DIAPH2: variants seen among roughly 807,000 people sequenced by gnomAD.
DIAPH2 encodes protein diaphanous homolog 2.
Under a neutral mutation model 92.7 loss-of-function variants are expected in DIAPH2, and 35 were observed. The ratio of observed to expected loss-of-function variants is 0.38; its 90% CI spans 0.29 to 0.50. The LOEUF is 0.50. Ranked by LOEUF, DIAPH2 falls within the 20% of genes least tolerant of loss-of-function variation. The pLI is 0.94. For synonymous variants in DIAPH2, 301 were observed against 280.4 expected, an observed-to-expected ratio of 1.07 and a Z score of -0.73; for missense variants, 701 against 819.5, an observed-to-expected ratio of 0.86 and a Z score of 1.77.
At chrX:97,425,246 T>A (rs1332877004) in intron 25 of DIAPH2, among the ~76,000 whole-genome samples, 2 of 111,481 alleles carry the variant, frequency 1.8e-5, no homozygotes, top group Admixed American at 1.9e-4. Flanking sequence ...TGTTAAAAGT[T>A]GGGTTTCTCT....
intron 19 of DIAPH2, among the ~76,000 whole-genome samples, chrX:97,088,523 T>C (rs2066799995): frequency 8.9e-6 from 1 of 112,267 alleles, no homozygotes; most frequent in Admixed American, 9.4e-5. Flanking sequence ...GATAATGTTA[T>C]ATCATGTGAT....
intron 4 of DIAPH2, among the ~76,000 whole-genome samples, chrX:96,867,422 G>A (rs964334518): frequency 3.6e-5 from 4 of 110,970 alleles, no homozygotes; most frequent in African/African-American, 1.3e-4. Context: ...GTTTTACCAC[G>A]TTGGCCAGGC....
At chrX:97,334,151 C>G (rs771744327) in intron 23 of DIAPH2, among the ~76,000 whole-genome samples, 22 of 110,643 alleles carry the variant, frequency 2.0e-4, no homozygotes, top group Admixed American at 8.8e-4. Flanking sequence ...CAGAATAGTT[C>G]CAGTTCCTTA....
At chrX:97,411,467 A>G (rs951588566) in intron 25 of DIAPH2, among the ~76,000 whole-genome samples, 2 of 112,070 alleles carry the variant, frequency 1.8e-5, no homozygotes, top group African/African-American at 6.5e-5. Flanking sequence ...TGTAAAGACC[A>G]TCGAGGCTAG....
intron 22 of DIAPH2, among the ~76,000 whole-genome samples, chrX:97,204,127 T>C (rs1023583057): frequency 8.9e-6 from 1 of 112,219 alleles, no homozygotes; most frequent in Non-Finnish European, 1.9e-5. Flanking sequence ...CAACGTCATT[T>C]CATGTTAAAA....
intron 22 of DIAPH2, among the ~76,000 whole-genome samples, chrX:97,216,597 C>T (rs1022102301): frequency 3.0e-4 from 33 of 110,866 alleles, no homozygotes; most frequent in African/African-American, 1.1e-3. Context: ...TGAGCCACAG[C>T]ACTGGGCCAT....
chrX:97,073,066 A>G (rs762052273), intron 18 of DIAPH2, 24 bp downstream of exon 18: 12 of 1,050,528 alleles, frequency 1.1e-5, no homozygotes, highest in Admixed American at 2.4e-5. Context: ...TCTTCGTAGG[A>G]TTGGTATAGG....
intron 9 of DIAPH2, among the ~76,000 whole-genome samples, chrX:96,927,513 C>A (rs2065591763): frequency 1.8e-5 from 2 of 111,108 alleles, no homozygotes; most frequent in Admixed American, 1.9e-4. Flanking sequence ...ATCAAACTTT[C>A]TCCCATGTTC....
intron 4 of DIAPH2, among the ~76,000 whole-genome samples, chrX:96,778,499 C>A (rs1483557902): frequency 5.4e-5 from 6 of 110,722 alleles, no homozygotes; most frequent in Non-Finnish European, 9.4e-5. Context: ...CTCTTACGAA[C>A]AGGGACTTTC....
chrX:96,824,129 T>A (rs2064797069), intron 4 of DIAPH2, among the ~76,000 whole-genome samples: 1 of 110,619 alleles, frequency 9.0e-6, no homozygotes, highest in Non-Finnish European at 1.9e-5. Flanking sequence ...TCTGTAGGGG[T>A]CTTTTATTTG....
chrX:97,240,605 C>CAAAAAAAAAAAAAA (rs774748522), intron 22 of DIAPH2, among the ~76,000 whole-genome samples: 10 of 67,977 alleles, frequency 1.5e-4, no homozygotes, highest in African/African-American at 5.8e-4. Context: ...GACTGCATCT[C>CAAAAAAAAAAAAAA]AAAAAAAAAA....
intron 1 of DIAPH2, among the ~76,000 whole-genome samples, chrX:96,717,563 C>G (rs2147543732): frequency 9.8e-6 from 1 of 101,863 alleles, no homozygotes; most frequent in South Asian, 4.7e-4. Context: ...GTGAAATCCA[C>G]TTTGCCTGAT....
At chrX:96,735,729 T>C (rs773805281) in intron 1 of DIAPH2, 29 bp from the exon 2 acceptor site, 2 of 945,738 alleles carry the variant, frequency 2.1e-6, no homozygotes, top group South Asian at 4.6e-5. Context: ...GATGGGTTTT[T>C]TTTGTTTGTT....
intron 4 of DIAPH2, among the ~76,000 whole-genome samples, chrX:96,774,338 T>C (rs905682660): frequency 4.5e-5 from 5 of 111,814 alleles, no homozygotes; most frequent in African/African-American, 1.3e-4. Flanking sequence ...TAATATTTAG[T>C]CTTTCACCAT....
intron 8 of DIAPH2, among the ~76,000 whole-genome samples, chrX:96,917,286 T>G (rs1222976621): frequency 2.7e-5 from 3 of 111,377 alleles, no homozygotes; most frequent in Admixed American, 1.9e-4. Flanking sequence ...TAATGTCAAT[T>G]TGAGTCAGAA....
intron 22 of DIAPH2, among the ~76,000 whole-genome samples, chrX:97,239,446 C>T (rs2068074251): frequency 9.0e-6 from 1 of 111,524 alleles, no homozygotes; most frequent in African/African-American, 3.3e-5. Context: ...AGAGAGTACA[C>T]TAAGCTTAAA....
intron 22 of DIAPH2, among the ~76,000 whole-genome samples, chrX:97,210,384 A>G (rs994182310): frequency 3.6e-5 from 4 of 111,914 alleles, no homozygotes; most frequent in Non-Finnish European, 7.5e-5. Context: ...CTTTTAGTAT[A>G]TCTTTTGGAC....
intron 24 of DIAPH2, among the ~76,000 whole-genome samples, chrX:97,371,495 G>A (rs1303542652): frequency 2.7e-5 from 3 of 111,366 alleles, no homozygotes; most frequent in Non-Finnish European, 3.8e-5. Context: ...AGCTTTTAGC[G>A]AGGCATAAGG....
At chrX:97,526,254 G>A (rs2071023396) in intron 26 of DIAPH2, among the ~76,000 whole-genome samples, 1 of 111,330 alleles carries the variant, frequency 9.0e-6, no homozygotes, top group Non-Finnish European at 1.9e-5. Context: ...CTCCACAAAT[G>A]TCTTTGAAAC....
Sources: allele counts gnomAD v4.1 joint callset (sites outside exome capture counted in the v4.1 genomes callset), GRCh38; gene constraint gnomAD v4.1.1; transcripts MANE v1.5; gene names NCBI Gene and HGNC (gene_info 2026-07-23, HGNC 2026-07-21).